Variants in UBAP1 observed in about 807,000 individuals in gnomAD.
UBAP1 encodes ubiquitin-associated protein 1.
A neutral mutation model predicts 39.0 loss-of-function variants in UBAP1; 5 were observed. The ratio of observed to expected loss-of-function variants is 0.13; its 90% CI spans 0.07 to 0.27. The LOEUF is 0.27. Ranked by LOEUF, UBAP1 falls within the 10% of genes least tolerant of loss-of-function variation. The pLI, the probability that UBAP1 is intolerant of heterozygous loss-of-function variation, is 1.00. For missense variants in UBAP1, 490 were observed against 608.1 expected (o/e 0.81, Z 2.04); for synonymous variants, 211 against 225.1 (o/e 0.94, Z 0.56).
intron 2 of UBAP1, chr9:34,224,510 G>T: frequency 2.5e-6 from 1 of 395,016 alleles, no homozygotes; most frequent in East Asian, 4.6e-5. Context: ...GACGTGGCAG[G>T]GGCCAATGTT....
chr9:34,251,553 C>G lies in UBAP1; in HGVS notation c.*21C>G. On this transcript the variant is annotated 3_prime_UTR_variant, in exon 7 of 7. Transcript: ENST00000297661. ...GCTGAGACCAGGCCCTGCCTAGGCCCTGCCGCAGAACCACCATCCCTGGGA... is the reference window on the plus strand; with the variant it reads ...GCTGAGACCAGGCCCTGCCTAGGCCGTGCCGCAGAACCACCATCCCTGGGA... 6.2e-7 allele frequency: 1 copy of G among 1,610,626 alleles called. No individual in the cohort carries two copies. Among genetic ancestry groups the G allele is most frequent in the Non-Finnish European group, 8.5e-7 (1 of 1,178,340 alleles).
At chr9:34,185,570 G>A (rs1031667846) in intron 1 of UBAP1, among the ~76,000 whole-genome samples, 2 of 151,592 alleles carry the variant, frequency 1.3e-5, no homozygotes, top group African/African-American at 4.8e-5. Context: ...TCTCGGGCGG[G>A]TGCTGTGGGT....
intron 1 of UBAP1, among the ~76,000 whole-genome samples, chr9:34,180,488 A>G (rs1043261042): frequency 3.3e-5 from 5 of 151,904 alleles, no homozygotes; most frequent in African/African-American, 1.2e-4. Context: ...AGCCTGGGCA[A>G]CAGAGCGAGA....
At chr9:34,207,050 T>TTA (rs1215742443) in intron 1 of UBAP1, among the ~76,000 whole-genome samples, 6 of 88,738 alleles carry the variant, frequency 6.8e-5, no homozygotes, top group African/African-American at 3.2e-4. Context: ...TGTTATTTCT[T>TTA]TTTTTTTTTT....
intron 3 of UBAP1, among the ~76,000 whole-genome samples, chr9:34,240,177 G>C (rs2183799): frequency 4.6e-5 from 7 of 152,156 alleles, no homozygotes; most frequent in African/African-American, 1.2e-4. Flanking sequence ...TGGTAGAAAG[G>C]AAGCCCAGTG....
At chr9:34,180,724 G>C (rs1388572518) in intron 1 of UBAP1, among the ~76,000 whole-genome samples, 1 of 151,846 alleles carries the variant, frequency 6.6e-6, no homozygotes, top group Non-Finnish European at 1.5e-5. Flanking sequence ...TGTTTCTTTA[G>C]TGAGTGACCA....
intron 1 of UBAP1, among the ~76,000 whole-genome samples, chr9:34,213,458 C>T (rs1473817041): frequency 6.6e-6 from 1 of 152,102 alleles, no homozygotes; most frequent in Non-Finnish European, 1.5e-5. Flanking sequence ...TTGCAGTGAG[C>T]CGAGATCGCA....
At chr9:34,195,356 T>C (rs1830968921) in intron 1 of UBAP1, among the ~76,000 whole-genome samples, 1 of 151,994 alleles carries the variant, frequency 6.6e-6, no homozygotes, top group Admixed American at 6.5e-5. Context: ...TGACGTCATA[T>C]GGATGGAAGA....
At chr9:34,208,712 A>G (rs1831852841) in intron 1 of UBAP1, among the ~76,000 whole-genome samples, 1 of 148,176 alleles carries the variant, frequency 6.7e-6, no homozygotes, top group Admixed American at 6.8e-5. Flanking sequence ...TGGGAGGCGG[A>G]GTTTGCAGTG....
At position 34,181,827 on chromosome 9, in the gene UBAP1, A is replaced by T. The variant is rs188162972; in HGVS notation, c.-8+2587A>T. Among the ~76,000 whole-genome samples, 2 of 148,092 alleles carry T rather than the reference A, an allele frequency of 1.4e-5. 1 individual carries two copies. The highest frequency in any genetic ancestry group is 4.2e-4 in the East Asian group (2 of 4,804). On this transcript the variant is annotated intron_variant, in intron 1 of 6. Transcript: ENST00000297661. ...TTCTTTCGTTTAGTATTTAAGACTG[A>T]TTTCCTAATCATGGCATTTCTTCTG...
At chr9:34,231,465 T>C (rs1382080136) in intron 2 of UBAP1, among the ~76,000 whole-genome samples, 1 of 152,002 alleles carries the variant, frequency 6.6e-6, no homozygotes, top group Non-Finnish European at 1.5e-5. Context: ...TGCCTTGGCC[T>C]CCCAAAGTTC....
chr9:34,249,660 T>C (rs1462906836), intron 4 of UBAP1, 119 bp from the exon 5 acceptor site: 17 of 964,016 alleles, frequency 1.8e-5, no homozygotes, highest in Middle Eastern at 2.5e-4. Context: ...TCTTCCAACC[T>C]GACCGCTTTT....
intron 1 of UBAP1, among the ~76,000 whole-genome samples, chr9:34,183,780 T>G (rs989401787): frequency 6.6e-6 from 1 of 150,812 alleles, no homozygotes; most frequent in African/African-American, 2.4e-5. Context: ...TTTTTGTTTT[T>G]TTTTTTTGAA....
At chr9:34,199,606 C>G (rs1447197538) in intron 1 of UBAP1, among the ~76,000 whole-genome samples, 1 of 148,716 alleles carries the variant, frequency 6.7e-6, no homozygotes, top group African/African-American at 2.4e-5. Context: ...ATTTAGATTT[C>G]CCCTGTTTTT....
At chr9:34,240,231 TGTAAA>T (rs1833892079) in intron 3 of UBAP1, among the ~76,000 whole-genome samples, 1 of 152,224 alleles carries the variant, frequency 6.6e-6, no homozygotes, top group South Asian at 2.1e-4. Flanking sequence ...TGGCTCAGGA[TGTAAA>T]GTAACTTCTT....
At chr9:34,199,135 G>A (rs1037474140) in intron 1 of UBAP1, among the ~76,000 whole-genome samples, 1 of 152,094 alleles carries the variant, frequency 6.6e-6, no homozygotes, top group African/African-American at 2.4e-5. Context: ...GTGCAGTGAT[G>A]CGATTTCGGC....
At chr9:34,237,812 C>T (rs1335525393) in intron 3 of UBAP1, among the ~76,000 whole-genome samples, 1 of 152,202 alleles carries the variant, frequency 6.6e-6, no homozygotes, top group African/African-American at 2.4e-5. Context: ...AAGTGATCTG[C>T]CCACCTCAGC....
In UBAP1 at chr9:34,252,096, CCA is replaced by C. The variant is rs1286580361; in HGVS notation, c.*565_*566del. The stretch of plus-strand genomic sequence containing the variant: ...AAGAATGCACTTTTCCCTATGGGGC[CCA>C]GAGTTTGCCTTTTCTGCCAGGCAGT... On this transcript the variant is annotated 3_prime_UTR_variant, in exon 7 of 7. Coordinates refer to ENST00000297661, the MANE Select transcript of UBAP1 (RefSeq NM_016525.5). 2 of 152,770 alleles carry C rather than the reference CCA, an allele frequency of 1.3e-5. No individual in the cohort carries two copies. The highest frequency in any genetic ancestry group is 6.5e-5 in the Admixed American group (1 of 15,282). The allele number at this position is 152,770 out of a possible 1,614,324, so 9.5% of individuals were successfully genotyped here.
chr9:34,211,746 C>T (rs1318479464), intron 1 of UBAP1, among the ~76,000 whole-genome samples: 1 of 152,036 alleles, frequency 6.6e-6, no homozygotes, highest in Non-Finnish European at 1.5e-5. Flanking sequence ...TTCCTTAACC[C>T]ATCTCTTCTT....
Sources: allele counts gnomAD v4.1 joint callset (sites outside exome capture counted in the v4.1 genomes callset), GRCh38; gene constraint gnomAD v4.1.1; transcripts MANE v1.5; gene names NCBI Gene and HGNC (gene_info 2026-07-23, HGNC 2026-07-21).